SLC2A13: variants seen among roughly 807,000 people sequenced by gnomAD.
SLC2A13 encodes proton myo-inositol cotransporter.
A neutral mutation model predicts 64.4 loss-of-function variants in SLC2A13; 32 were observed. The observed-to-expected ratio is 0.50, with a 90% CI of 0.37 to 0.67. SLC2A13 has a LOEUF of 0.67. SLC2A13 is among the 30% of genes least tolerant of loss of function. SLC2A13 has a pLI of 0.00. For missense variants in SLC2A13, 743 were observed against 829.2 expected, an observed-to-expected ratio of 0.90 and a Z score of 1.28; for synonymous variants, 338 against 327.1, an observed-to-expected ratio of 1.03 and a Z score of -0.36.
chr12:39,783,330 T>C lies in SLC2A13; in HGVS notation c.1446-18472A>G, dbSNP rs1185320746. On this transcript the variant is annotated intron_variant, in intron 7 of 9. Transcript: ENST00000280871. ...ATTGTGAATAGTGCCGCAATAAACA[T>C]ACGTGTGCATGTGTCTTTATAGCAG... Among the ~76,000 whole-genome samples the C allele has an allele frequency of 6.7e-4, 102 of 152,210 alleles. 1 individual carries two copies. Among genetic ancestry groups the C allele is most frequent in the Admixed American group, 6.5e-3 (99 of 15,280 alleles).
Position 39,830,093 on chromosome 12 carries a change from A to T in SLC2A13, c.1445+10T>A, listed in dbSNP as rs1942810794. The T allele has an allele frequency of 6.2e-7, 1 of 1,613,274 alleles. No homozygotes were observed. Among genetic ancestry groups the T allele is most frequent in the Admixed American group, 1.7e-5 (1 of 59,888 alleles). On this transcript the variant is annotated intron_variant, in intron 7 of 9. Coordinates refer to ENST00000280871, the MANE Select transcript of SLC2A13 (RefSeq NM_052885.4). Reference sequence around the variant, plus strand: ...TATTATATATTCGTATGGTAAAATGAGTGATATACCTGCCCCAGGCTGCCT... The same window carrying T: ...TATTATATATTCGTATGGTAAAATGTGTGATATACCTGCCCCAGGCTGCCT...
At chr12:40,099,113 T>G (rs1209534665) in intron 1 of SLC2A13, among the ~76,000 whole-genome samples, 1 of 152,220 alleles carries the variant, frequency 6.6e-6, no homozygotes, top group African/African-American at 2.4e-5. Context: ...TACTCTCAAC[T>G]TGAGTTTAGA....
chr12:40,049,503 T>C (rs1948220545), intron 1 of SLC2A13, among the ~76,000 whole-genome samples: 1 of 152,144 alleles, frequency 6.6e-6, no homozygotes, highest in Non-Finnish European at 1.5e-5. Context: ...GTAACTGCAA[T>C]AGTTGTGGTT....
At chr12:39,780,788 G>A (rs1283140738) in intron 7 of SLC2A13, among the ~76,000 whole-genome samples, 1 of 152,066 alleles carries the variant, frequency 6.6e-6, no homozygotes, top group Non-Finnish European at 1.5e-5. Flanking sequence ...CGAAAACATG[G>A]AGCTACATAA....
chr12:39,903,450 C>T (rs1204588113), intron 4 of SLC2A13, among the ~76,000 whole-genome samples: 2 of 152,062 alleles, frequency 1.3e-5, no homozygotes, highest in Non-Finnish European at 2.9e-5. Context: ...TTCTGGCCCC[C>T]CAGTATCTCT....
chr12:39,889,200 T>G (rs1944540749), intron 4 of SLC2A13, among the ~76,000 whole-genome samples: 2 of 152,280 alleles, frequency 1.3e-5, no homozygotes, highest in Middle Eastern at 3.4e-3. Flanking sequence ...CATATATATC[T>G]GACAATTTAC....
At chr12:39,821,280 G>C (rs1942500171) in intron 7 of SLC2A13, among the ~76,000 whole-genome samples, 1 of 151,978 alleles carries the variant, frequency 6.6e-6, no homozygotes, top group Admixed American at 6.6e-5. Context: ...CGTGTTGGCG[G>C]GCGCCTGTAG....
chr12:39,987,848 C>A (rs540366555), intron 3 of SLC2A13, among the ~76,000 whole-genome samples: 21 of 152,026 alleles, frequency 1.4e-4, no homozygotes, highest in Admixed American at 7.2e-4. Flanking sequence ...AATTTTGAGG[C>A]TTTTTCTAAA....
At chr12:39,982,993 G>C (rs897356489) in intron 3 of SLC2A13, among the ~76,000 whole-genome samples, 1 of 144,364 alleles carries the variant, frequency 6.9e-6, no homozygotes, top group Non-Finnish European at 1.5e-5. Context: ...TAGATCAATG[G>C]AACAGAACAG....
chr12:39,926,834 T>A (rs796886313), intron 4 of SLC2A13, among the ~76,000 whole-genome samples: 3 of 152,142 alleles, frequency 2.0e-5, no homozygotes, highest in Admixed American at 6.6e-5. Context: ...AGGCTGGTCT[T>A]GAACTCCTGG....
chr12:39,857,780 C>T (rs1335101626), intron 6 of SLC2A13, among the ~76,000 whole-genome samples: 1 of 152,158 alleles, frequency 6.6e-6, no homozygotes, highest in South Asian at 2.1e-4. Flanking sequence ...CTTGCTTGCT[C>T]GTTATGACCC....
At chr12:39,943,520 C>T (rs1448944336) in intron 4 of SLC2A13, among the ~76,000 whole-genome samples, 1 of 152,252 alleles carries the variant, frequency 6.6e-6, no homozygotes, top group East Asian at 1.9e-4. Context: ...GGGATCTGCC[C>T]AGTTGGAACT....
At chr12:40,000,936 G>A (rs140266048) in intron 3 of SLC2A13, among the ~76,000 whole-genome samples, 52 of 152,240 alleles carry the variant, frequency 3.4e-4, no homozygotes, top group African/African-American at 1.2e-3. Flanking sequence ...AAGGCTAGCT[G>A]GCCGGCCAAT....
chr12:40,089,580 T>G (rs1384234), intron 1 of SLC2A13, among the ~76,000 whole-genome samples: 20,490 of 152,172 alleles, frequency 0.13, 1,438 homozygotes, highest in South Asian at 0.23. Context: ...GACTTCTTCA[T>G]CTCCTCAACA....
chr12:40,045,421 A>G (rs1948155357), intron 2 of SLC2A13, among the ~76,000 whole-genome samples: 1 of 151,692 alleles, frequency 6.6e-6, no homozygotes, highest in Non-Finnish European at 1.5e-5. Flanking sequence ...TAAGTTATCA[A>G]TTGTTGACAA....
At chr12:39,945,734 T>A (rs547531514) in intron 4 of SLC2A13, among the ~76,000 whole-genome samples, 2 of 152,156 alleles carry the variant, frequency 1.3e-5, no homozygotes, top group African/African-American at 4.8e-5. Flanking sequence ...TCTATTCCCA[T>A]GAATATTTCT....
chr12:39,778,150 C>G (rs1171571977), intron 7 of SLC2A13, among the ~76,000 whole-genome samples: 1 of 152,112 alleles, frequency 6.6e-6, no homozygotes, highest in Non-Finnish European at 1.5e-5. Flanking sequence ...ACACACCCTG[C>G]GAGGGGGACA....
intron 7 of SLC2A13, among the ~76,000 whole-genome samples, chr12:39,799,082 T>C (rs1592147984): frequency 7.5e-6 from 1 of 133,988 alleles, no homozygotes; most frequent in African/African-American, 2.9e-5. Context: ...TTTTTTTTCC[T>C]TTTTTTTTTT....
Position 39,755,625 on chromosome 12 carries a change from T to C in SLC2A13, c.*4401A>G, listed in dbSNP as rs1399644441. 6.6e-6 allele frequency: 1 copy of C among 152,050 alleles called. No individual in the cohort carries two copies. Among genetic ancestry groups the C allele is most frequent in the Non-Finnish European group, 1.5e-5 (1 of 67,898 alleles). 9.4% of individuals were successfully genotyped at this position (152,050 alleles called of 1,614,324 possible). On this transcript the variant is annotated 3_prime_UTR_variant, in exon 10 of 10. Coordinates refer to ENST00000280871, the MANE Select transcript of SLC2A13 (RefSeq NM_052885.4). ...GCTAAAACTTTAAAACTTTACAAAA[T>C]GTTGGTTACTCATTAGCTGCATGAT...
Sources: allele counts gnomAD v4.1 joint callset (sites outside exome capture counted in the v4.1 genomes callset), GRCh38; gene constraint gnomAD v4.1.1; transcripts MANE v1.5; gene names NCBI Gene and HGNC (gene_info 2026-07-23, HGNC 2026-07-21).